The following RAD52 variants were observed in gnomAD, a reference collection of about 807,000 sequenced individuals.
RAD52 encodes the protein RAD52 DNA repair protein.
A neutral mutation model predicts 55.5 loss-of-function variants in RAD52; 47 were observed. That is an observed-to-expected ratio of 0.85 (90% CI 0.67 to 1.08). The LOEUF is 1.08. Ranked by LOEUF, RAD52 falls within the 50% of genes least tolerant of loss-of-function variation. The pLI is 0.00. For missense variants in RAD52, 468 were observed against 522.8 expected, an observed-to-expected ratio of 0.90 and a Z score of 1.02; for synonymous variants, 184 against 198.9, an observed-to-expected ratio of 0.92 and a Z score of 0.63.
rs376737579 is a variant in RAD52 at position 972,190 on chromosome 12, GA to G, written c.-19+17618del. Among the ~76,000 whole-genome samples the G allele has an allele frequency of 3.7e-4, 56 of 152,234 alleles. No homozygotes were observed. In the East Asian group the frequency reaches 0.01, roughly 28 times the overall value. Reference sequence around the variant, plus strand: ...CTATTACGTTCCAAGCACTAGGGGTGAAACAGGTAATACAAGAAAGTCTTCT... The same window carrying G: ...CTATTACGTTCCAAGCACTAGGGGTGAACAGGTAATACAAGAAAGTCTTCT... On this transcript the variant is annotated intron_variant, in intron 1 of 11. Coordinates refer to the RAD52 transcript ENST00000430095.
chr12:950,085 G>A (rs1057140886), upstream of RAD52, among the ~76,000 whole-genome samples: 7 of 152,208 alleles, frequency 4.6e-5, no homozygotes, highest in African/African-American at 1.4e-4. Flanking sequence ...TGCACAATTG[G>A]GAAAATCTGA....
At chr12:925,185 T>G (rs1386438999) in intron 7 of RAD52, among the ~76,000 whole-genome samples, 2 of 152,046 alleles carry the variant, frequency 1.3e-5, no homozygotes, top group Non-Finnish European at 1.5e-5. Flanking sequence ...CTCCTGACCT[T>G]GTGATCCACC....
intron 4 of RAD52, 49 bp from the exon 5 acceptor site, chr12:929,935 C>T (rs1228769934): frequency 8.8e-6 from 14 of 1,583,132 alleles, no homozygotes; most frequent in Middle Eastern, 1.7e-4. Flanking sequence ...ACCGCTGGGC[C>T]ACAACCATTC....
At chr12:957,981 G>A (rs1958631711) in intron 1 of RAD52, among the ~76,000 whole-genome samples, 1 of 152,240 alleles carries the variant, frequency 6.6e-6, no homozygotes, top group African/African-American at 2.4e-5. Context: ...CTGCACCTGT[G>A]GCAAGAGCCA....
chr12:929,563 A>C (rs902470666), intron 5 of RAD52: 3 of 700,768 alleles, frequency 4.3e-6, no homozygotes, highest in Non-Finnish European at 5.2e-6. Flanking sequence ...ATGCCAAAAA[A>C]TACATCCTTT....
rs990875016 is a variant in RAD52, at chr12:978,566, C to T, written c.-19+11243G>A. On this transcript the variant is annotated intron_variant, in intron 1 of 11. Transcript: ENST00000430095. ...CCGTAATCCTAGCATTTTGGGAGTC[C>T]AAGGTGGACAGATTGCCTGAGCTCA... 4.6e-5 allele frequency among the ~76,000 whole-genome samples: 7 copies of T among 151,988 alleles called. 1 individual carries two copies. Among genetic ancestry groups the T allele is most frequent in the Admixed American group, 4.6e-4 (7 of 15,252 alleles).
At chr12:983,907 T>C (rs1219859336) in intron 1 of RAD52, among the ~76,000 whole-genome samples, 1 of 152,182 alleles carries the variant, frequency 6.6e-6, no homozygotes, top group Non-Finnish European at 1.5e-5. Context: ...CTTCAACATA[T>C]GAATTTTGGA....
At chr12:940,859 A>G (rs1225427411) in intron 1 of RAD52, among the ~76,000 whole-genome samples, 1 of 151,594 alleles carries the variant, frequency 6.6e-6, no homozygotes, top group African/African-American at 2.4e-5. Flanking sequence ...AACTTCGAGA[A>G]AAAAAAAAGA....
chr12:982,871 A>T (rs1345528616), intron 1 of RAD52, among the ~76,000 whole-genome samples: 3 of 149,868 alleles, frequency 2.0e-5, no homozygotes, highest in Non-Finnish European at 4.4e-5. Context: ...CTGTTTTGAG[A>T]CAGAGTCTCA....
intron 1 of RAD52, among the ~76,000 whole-genome samples, chr12:962,506 AT>A (rs531777012): frequency 2.9e-3 from 405 of 138,532 alleles, no homozygotes; most frequent in Middle Eastern, 3.7e-3. Context: ...CGCCTGGCTA[AT>A]TTTTTTTTTT....
intron 1 of RAD52, among the ~76,000 whole-genome samples, chr12:957,466 CAAAAAAAAAAA>C (rs71055109): frequency 3.4e-4 from 15 of 44,056 alleles, no homozygotes; most frequent in Non-Finnish European, 4.5e-4. Context: ...AACTTCGTCT[CAAAAAAAAAAA>C]AAAAAAAAAA....
chr12:966,566 G>A (rs918737428), intron 1 of RAD52, among the ~76,000 whole-genome samples: 4 of 151,692 alleles, frequency 2.6e-5, no homozygotes, highest in Non-Finnish European at 4.4e-5. Flanking sequence ...GTTTGTTTTC[G>A]CCTTCTATTG....
chr12:975,141 T>C (rs1252718252), intron 1 of RAD52: 1 of 151,612 alleles, frequency 6.6e-6, no homozygotes, highest in Non-Finnish European at 1.5e-5. Context: ...GGTATGTATG[T>C]ATAGGAAAAA....
chr12:918,297 A>C (rs1471642897), intron 7 of RAD52, among the ~76,000 whole-genome samples: 1 of 152,232 alleles, frequency 6.6e-6, no homozygotes, highest in East Asian at 1.9e-4. Context: ...CCATGAATGA[A>C]TCTCACAACC....
intron 4 of RAD52, 66 bp downstream of exon 4, chr12:929,985 C>T: frequency 6.3e-7 from 1 of 1,578,410 alleles, no homozygotes; most frequent in South Asian, 1.1e-5. Flanking sequence ...TACCTCCTCA[C>T]CCACAGCAGA....
intron 6 of RAD52, 51 bp downstream of exon 6, chr12:927,094 C>G (rs376100213): frequency 1.3e-6 from 2 of 1,578,062 alleles, no homozygotes; most frequent in Non-Finnish European, 1.7e-6. Context: ...GAAATCTGCT[C>G]TGAAGCAAGA....
chr12:930,397 T>G (rs1446264656), intron 3 of RAD52, among the ~76,000 whole-genome samples: 1 of 152,030 alleles, frequency 6.6e-6, no homozygotes, highest in Non-Finnish European at 1.5e-5. Flanking sequence ...AATTTTTTTT[T>G]CAAGAAAATT....
intron 1 of RAD52, among the ~76,000 whole-genome samples, chr12:958,467 T>G (rs1307214200): frequency 6.6e-6 from 1 of 152,196 alleles, no homozygotes; most frequent in African/African-American, 2.4e-5. Flanking sequence ...CCACCCGCCT[T>G]GGCCTTCCAT....
At chr12:987,711 C>CCA (rs1163119443) in intron 1 of RAD52, among the ~76,000 whole-genome samples, 5 of 152,136 alleles carry the variant, frequency 3.3e-5, no homozygotes, top group African/African-American at 1.2e-4. Flanking sequence ...CAGGCATATG[C>CCA]CACCATACTT....
Sources: gnomAD v4.1 joint callset for allele counts (sites outside exome capture counted in the v4.1 genomes callset) on GRCh38, gnomAD v4.1.1 for gene constraint, MANE v1.5 for transcripts, NCBI Gene and HGNC (gene_info 2026-07-23, HGNC 2026-07-21) for gene names.